The following DNAH11 variants were observed in gnomAD, a reference collection of about 807,000 sequenced individuals.
The protein encoded by DNAH11 is axonemal beta dynein heavy chain 11.
A neutral mutation model predicts 526.0 loss-of-function variants in DNAH11; 442 were observed. That is an observed-to-expected ratio of 0.84 (90% CI 0.78 to 0.91). DNAH11 has a LOEUF of 0.91. Among genes scored for constraint, DNAH11 ranks in the 40% least tolerant of loss-of-function variants. DNAH11 has a pLI of 0.00. For synonymous variants in DNAH11, 2,461 were observed against 1,935.9 expected (o/e 1.27, Z -7.12); for missense variants, 6,989 against 5,448.7 (o/e 1.28, Z -8.90).
At chr7:21,623,960 TATAATA>T (rs562551651) in intron 25 of DNAH11, among the ~76,000 whole-genome samples, 39 of 150,044 alleles carry the variant, frequency 2.6e-4, no homozygotes, top group Non-Finnish European at 4.6e-4. Flanking sequence ...AAACTTAAAG[TATAATA>T]ATAATAATAA....
intron 41 of DNAH11, among the ~76,000 whole-genome samples, chr7:21,711,079 C>G (rs1293815904): frequency 6.6e-6 from 1 of 152,152 alleles, no homozygotes; most frequent in African/African-American, 2.4e-5. Context: ...TTGAAATTAA[C>G]TAGTTCCTTT....
Position 21,901,023 on chromosome 7 carries a change from C to CCAAGCA in DNAH11, c.13321_13326dup (p.Gln4441_Ala4442dup), listed in dbSNP as rs1562614184. On this transcript the variant is annotated inframe_insertion, in exon 82 of 82. Transcript: ENST00000409508. The stretch of plus-strand genomic sequence containing the variant: ...TTGCCATAGGCGCCCGCTGGGACAC[C>CCAAGCA]CAAGCAGGAACCATTGTTGAAGCCC... 1 of 1,605,738 alleles carries CCAAGCA rather than the reference C, an allele frequency of 6.2e-7. No individual in the cohort carries two copies. Among genetic ancestry groups the CCAAGCA allele is most frequent in the African/African-American group, 1.3e-5 (1 of 74,764 alleles).
chr7:21,859,018 A>C (rs1782958750), intron 68 of DNAH11, among the ~76,000 whole-genome samples: 1 of 152,202 alleles, frequency 6.6e-6, no homozygotes, highest in Admixed American at 6.5e-5. Context: ...ACCTGACCTC[A>C]TGCACTTTAT....
At chr7:21,738,289 T>C (rs1053686860) in intron 46 of DNAH11, among the ~76,000 whole-genome samples, 3 of 152,228 alleles carry the variant, frequency 2.0e-5, no homozygotes, top group Non-Finnish European at 2.9e-5. Context: ...TGGGAGACTT[T>C]CCTGAGCTGT....
chr7:21,687,458 T>A lies in DNAH11; in HGVS notation c.5855T>A (p.Val1952Glu). The A allele has an allele frequency of 6.2e-7, 1 of 1,613,958 alleles. No homozygotes were observed. ...GCFDEFNRIS[V>E]EVLSVVAVQV... ...TTTGATGAGTTCAACCGAATCTCTG[T>A]GGAAGTTCTGTCAGTGGTGGCAGTA... The change falls in exon 34 of 82, where the codon GTG becomes GAG. Residue 1952 changes from valine (V) to glutamate (E), a missense_variant. Val to Glu is a moderately radical substitution (Grantham distance 121, BLOSUM62 -2). Coordinates refer to ENST00000409508, the MANE Select transcript of DNAH11 (RefSeq NM_001277115.2).
intron 71 of DNAH11, 68 bp downstream of exon 71, chr7:21,866,731 G>A (rs761409155): frequency 9.5e-6 from 14 of 1,471,152 alleles, no homozygotes; most frequent in Non-Finnish European, 1.3e-5. Context: ...TGAAGAGTTA[G>A]GAGGATCTGG....
intron 65 of DNAH11, among the ~76,000 whole-genome samples, chr7:21,827,788 A>G (rs1790373259): frequency 1.3e-5 from 2 of 152,096 alleles, no homozygotes; most frequent in African/African-American, 2.4e-5. Context: ...AACTATTATT[A>G]TGTTTCTGTT....
rs1003191234 is a variant in DNAH11, at chr7:21,703,769, A to C, written c.6274-665A>C. ...GAAATAACAACAACAACAACAAAAA[A>C]CCCAAAACTTTACTCTGTGTGATTT... On this transcript the variant is annotated intron_variant, in intron 37 of 81. Transcript: ENST00000409508. The C allele has an allele frequency of 6.6e-5, 10 of 152,148 alleles. No homozygotes were observed. The East Asian group carries it at 9.7e-4, about 15-fold the overall frequency. 9.4% of individuals were successfully genotyped at this position (152,148 alleles called of 1,614,324 possible). A position where few individuals can be genotyped will look rare whatever the true frequency, so the allele number is the denominator to read the frequency against.
chr7:21,775,186 T>C (rs1267851420), intron 56 of DNAH11, among the ~76,000 whole-genome samples: 2 of 152,194 alleles, frequency 1.3e-5, no homozygotes, highest in African/African-American at 4.8e-5. Flanking sequence ...AGTGAGTAGA[T>C]GGACCACAAT....
At position 21,719,224 on chromosome 7, in the gene DNAH11, G is replaced by T. The variant is rs550292479; in HGVS notation, c.7134+1299G>T. On this transcript the variant is annotated intron_variant, in intron 43 of 81. Transcript: ENST00000409508. ...TTTATAGAGTAATTTCTCTTCTGTGGTTACTAATAAGTATGGAAATTTGAG... is the reference window on the plus strand; with the variant it reads ...TTTATAGAGTAATTTCTCTTCTGTGTTTACTAATAAGTATGGAAATTTGAG... Among the ~76,000 whole-genome samples the T allele has an allele frequency of 3.3e-5, 5 of 152,232 alleles. No individual in the cohort carries two copies. The South Asian group carries it at 1.0e-3, about 32-fold the overall frequency.
intron 63 of DNAH11, among the ~76,000 whole-genome samples, chr7:21,809,157 A>G (rs1237224661): frequency 6.6e-6 from 1 of 152,024 alleles, no homozygotes; most frequent in Non-Finnish European, 1.5e-5. Context: ...TTTTCATGTT[A>G]CCTATTGGCC....
At chr7:21,887,021 T>C (rs961008488) in intron 76 of DNAH11, among the ~76,000 whole-genome samples, 4 of 152,236 alleles carry the variant, frequency 2.6e-5, no homozygotes, top group Admixed American at 1.3e-4. Context: ...TTATGCTGTT[T>C]ATATGATTAG....
intron 12 of DNAH11, among the ~76,000 whole-genome samples, chr7:21,589,825 C>T (rs988245704): frequency 2.6e-5 from 4 of 152,030 alleles, no homozygotes; most frequent in African/African-American, 7.2e-5. Flanking sequence ...AATTTCATCA[C>T]GTAAGTTAAG....
At chr7:21,761,700 C>T (rs952361372) in intron 54 of DNAH11, among the ~76,000 whole-genome samples, 1 of 152,120 alleles carries the variant, frequency 6.6e-6, no homozygotes, top group Non-Finnish European at 1.5e-5. Flanking sequence ...TCCATGCCAC[C>T]CTCCCAGGCC....
At chr7:21,751,411 A>G (rs1277030597) in intron 54 of DNAH11, among the ~76,000 whole-genome samples, 1 of 152,202 alleles carries the variant, frequency 6.6e-6, no homozygotes, top group Admixed American at 6.5e-5. Context: ...AGTGTATCAC[A>G]TAGGCAGATA....
rs1446965214 is a variant in DNAH11 at position 21,600,049 on chromosome 7, T to TA, written c.2931dup (p.Cys978MetfsTer3). ...TTCTATGATCTTGTAGAAGAAATGT[T>TA]ATGCAATAGTTTTAGAATGTCTGCC... On this transcript the variant is annotated frameshift_variant, in exon 15 of 82. Coordinates refer to ENST00000409508, the MANE Select transcript of DNAH11 (RefSeq NM_001277115.2). LOFTEE classifies it high-confidence loss of function. 6.2e-7 allele frequency: 1 copy of TA among 1,609,160 alleles called. No individual in the cohort carries two copies. The highest frequency in any genetic ancestry group is 1.7e-5 in the Admixed American group (1 of 59,726).
chr7:21,667,934 G>T (rs1286968318), intron 30 of DNAH11, among the ~76,000 whole-genome samples: 1 of 152,050 alleles, frequency 6.6e-6, no homozygotes, highest in Non-Finnish European at 1.5e-5. Flanking sequence ...AGTCAAAGAT[G>T]GGCACTCCTT....
chr7:21,591,451 C>A lies in DNAH11; in HGVS notation c.2541C>A (p.Cys847Ter). 1 of 1,613,932 alleles carries A rather than the reference C, an allele frequency of 6.2e-7. No homozygotes were observed. Among genetic ancestry groups the A allele is most frequent in the Non-Finnish European group, 8.5e-7 (1 of 1,179,864 alleles). The part of the protein sequence containing the change: ...IQQTMRGWAR[C>*]VLPPRREHRR... Reference sequence around the variant, plus strand: ...AGACCATGAGGGGCTGGGCCAGGTGCGTGCTACCTCCCAGGAGAGAGCACA... The same window carrying A: ...AGACCATGAGGGGCTGGGCCAGGTGAGTGCTACCTCCCAGGAGAGAGCACA... Residue 847 changes from cysteine (C) to a stop codon, truncating the protein, a stop_gained, in exon 14 of 82, where the codon TGC becomes TGA. Transcript: ENST00000409508. LOFTEE classifies it high-confidence loss of function.
chr7:21,560,580 C>G (rs997553588), intron 4 of DNAH11, among the ~76,000 whole-genome samples: 13 of 152,300 alleles, frequency 8.5e-5, no homozygotes, highest in African/African-American at 2.9e-4. Flanking sequence ...TGTTCAAGGG[C>G]AGGAAGCGTC....
Sources: allele counts gnomAD v4.1 joint callset (sites outside exome capture counted in the v4.1 genomes callset), GRCh38; gene constraint gnomAD v4.1.1; transcripts MANE v1.5; gene names NCBI Gene and HGNC (gene_info 2026-07-23, HGNC 2026-07-21).